The following DISC1 variants were observed in gnomAD, a reference collection of about 807,000 sequenced individuals.
DISC1 encodes DISC1 scaffold protein, also known as disrupted in schizophrenia 1 protein.
In DISC1, 57 loss-of-function variants were observed where a neutral mutation model predicts 84.5. The ratio of observed to expected loss-of-function variants is 0.67; its 90% CI spans 0.55 to 0.84. The LOEUF (loss-of-function observed/expected upper bound fraction) is 0.84. Ranked by LOEUF, DISC1 falls within the 40% of genes least tolerant of loss-of-function variation. The probability of loss-of-function intolerance (pLI) is 0.00; values close to 1 mark genes in which losing one functional copy is unlikely to be tolerated. For synonymous variants in DISC1, 411 were observed against 415.2 expected, an observed-to-expected ratio of 0.99 and a Z score of 0.12; for missense variants, 1,000 against 1,057.8, an observed-to-expected ratio of 0.95 and a Z score of 0.76.
intron 6 of DISC1, among the ~76,000 whole-genome samples, chr1:231,781,384 T>C (rs2077419973): frequency 6.6e-6 from 1 of 152,152 alleles, no homozygotes; most frequent in African/African-American, 2.4e-5. Flanking sequence ...ATTGTTTAGG[T>C]AGCTCTTTGG....
intron 1 of DISC1, among the ~76,000 whole-genome samples, chr1:231,667,562 T>G (rs2062136063): frequency 6.6e-6 from 1 of 152,230 alleles, no homozygotes; most frequent in Non-Finnish European, 1.5e-5. Flanking sequence ...TTACTGACCA[T>G]GGGTTAAAGT....
intron 10 of DISC1, among the ~76,000 whole-genome samples, chr1:231,987,577 CA>C (rs1664626620): frequency 6.6e-6 from 1 of 152,110 alleles, no homozygotes; most frequent in Non-Finnish European, 1.5e-5. Context: ...AGATGAAAGC[CA>C]GACAAGAAAA....
chr1:231,652,843 G>C (rs1487538173), intron 1 of DISC1, among the ~76,000 whole-genome samples: 3 of 152,218 alleles, frequency 2.0e-5, no homozygotes, highest in African/African-American at 7.2e-5. Context: ...GCAGTGGCAC[G>C]ATTTTGGCTC....
intron 9 of DISC1, among the ~76,000 whole-genome samples, chr1:231,906,444 G>A (rs112405558): frequency 6.6e-6 from 1 of 152,294 alleles, no homozygotes; most frequent in Non-Finnish European, 1.5e-5. Context: ...TGTGAGTTTG[G>A]GGATCTTAAA....
At chr1:231,852,347 T>C (rs1158422153) in intron 9 of DISC1, among the ~76,000 whole-genome samples, 1 of 152,214 alleles carries the variant, frequency 6.6e-6, no homozygotes, top group Non-Finnish European at 1.5e-5. Flanking sequence ...AGATGTGGAA[T>C]GCTCCAAAAC....
In DISC1 at chr1:232,012,847, A is replaced by G. The variant is rs114596206; in HGVS notation, c.2307+3798A>G. On this transcript the variant is annotated intron_variant, in intron 11 of 12. Coordinates refer to ENST00000439617, the MANE Select transcript of DISC1 (RefSeq NM_018662.3). Reference sequence around the variant, plus strand: ...CAGCTGGGCCCATTAAGGTGAAGCAATTTGCTTTGGACTTTGTTACAGAGG... The same window carrying G: ...CAGCTGGGCCCATTAAGGTGAAGCAGTTTGCTTTGGACTTTGTTACAGAGG... 8.7e-3 allele frequency among the ~76,000 whole-genome samples: 1,317 copies of G among 152,182 alleles called. 22 individuals carry two copies. The highest frequency in any genetic ancestry group is 0.03 in the African/African-American group (1,241 of 41,514).
rs1558515742 is a variant in DISC1 at position 231,771,429 on chromosome 1, A to G, written c.1634+359A>G. On this transcript the variant is annotated intron_variant, in intron 6 of 12. Coordinates refer to ENST00000439617, the MANE Select transcript of DISC1 (RefSeq NM_018662.3). ...ACTTTTGCTGAGGACGATCATCTGG[A>G]TGAACTATGCCTCTCACTAAGGGAA... The G allele has an allele frequency of 3.0e-6, 3 of 985,304 alleles. No homozygotes were observed. The East Asian group carries it at 3.4e-4, about 112-fold the overall frequency. The allele number at this position is 985,304 out of a possible 1,614,324, so 61.0% of individuals were successfully genotyped here.
rs13374524 is a variant in DISC1, at chr1:231,650,660, C to T, written c.67+23726C>T. 3.0e-3 allele frequency among the ~76,000 whole-genome samples: 451 copies of T among 152,306 alleles called. 3 individuals are homozygous for T. Among genetic ancestry groups the T allele is most frequent in the African/African-American group, 0.01 (426 of 41,562 alleles). ...TGGATAGTATCCTGCAGAGTGTTTT[C>T]CAACTTGGTTCCATTCTCCCCGTCA... On this transcript the variant is annotated intron_variant, in intron 1 of 12. Coordinates refer to ENST00000439617, the MANE Select transcript of DISC1 (RefSeq NM_018662.3).
chr1:231,720,082 C>T (rs202209582), intron 3 of DISC1, among the ~76,000 whole-genome samples: 134 of 152,188 alleles, frequency 8.8e-4, no homozygotes, highest in Non-Finnish European at 1.0e-3. Flanking sequence ...TGTTTGCTAC[C>T]GAGCGTGGCA....
intron 1 of DISC1, among the ~76,000 whole-genome samples, chr1:231,642,220 T>G (rs917009567): frequency 3.3e-5 from 5 of 152,160 alleles, no homozygotes; most frequent in African/African-American, 7.2e-5. Flanking sequence ...GCGGAGCCCA[T>G]GCTCACCCGG....
At chr1:231,901,775 T>C (rs2088199953) in intron 9 of DISC1, among the ~76,000 whole-genome samples, 1 of 152,240 alleles carries the variant, frequency 6.6e-6, no homozygotes, top group Non-Finnish European at 1.5e-5. Context: ...TTTAATATTG[T>C]TCATAGGTTA....
intron 4 of DISC1, among the ~76,000 whole-genome samples, chr1:231,759,885 A>G (rs1467773393): frequency 6.6e-6 from 1 of 152,174 alleles, no homozygotes; most frequent in Non-Finnish European, 1.5e-5. Context: ...AAGGGGGGAA[A>G]CTAAGTTGTG....
chr1:231,981,598 C>T (rs1663615193), intron 10 of DISC1, among the ~76,000 whole-genome samples: 1 of 152,166 alleles, frequency 6.6e-6, no homozygotes, highest in African/African-American at 2.4e-5. Context: ...GAAATGAAAA[C>T]ATACATTAAT....
At position 231,713,715 on chromosome 1, in the gene DISC1, T is replaced by TATAGGAGATATATAC. The variant is rs1558400883; in HGVS notation, c.1117+11694_1117+11695insGGAGATATATACATA. 4.8e-5 allele frequency among the ~76,000 whole-genome samples: 7 copies of TATAGGAGATATATAC among 144,968 alleles called. No individual in the cohort carries two copies. In the East Asian group the frequency reaches 8.1e-4, roughly 17 times the overall value. ...TATATATATAGGAGATATATATATATATATATATAGGAGATATATACATAT... is the reference window on the plus strand; with the variant it reads ...TATATATATAGGAGATATATATATATATAGGAGATATATACATATATATAGGAGATATATACATAT... On this transcript the variant is annotated intron_variant, in intron 3 of 12. Coordinates refer to ENST00000439617, the MANE Select transcript of DISC1 (RefSeq NM_018662.3).
chr1:231,902,937 A>G (rs934045403), intron 9 of DISC1, among the ~76,000 whole-genome samples: 1 of 152,150 alleles, frequency 6.6e-6, no homozygotes, highest in Non-Finnish European at 1.5e-5. Flanking sequence ...GCCTGTATAC[A>G]TATCATAGCA....
chr1:231,842,027 T>C (rs4658953), intron 9 of DISC1, among the ~76,000 whole-genome samples: 25,797 of 151,998 alleles, frequency 0.17, 2,247 homozygotes, highest in Middle Eastern at 0.25. Context: ...TAAGAGAGGG[T>C]CTTGTGTTGT....
At chr1:231,714,082 G>A (rs1168758770) in intron 3 of DISC1, among the ~76,000 whole-genome samples, 1 of 151,892 alleles carries the variant, frequency 6.6e-6, no homozygotes, top group East Asian at 1.9e-4. Flanking sequence ...AGTCAGTCAT[G>A]TTTTTATCTA....
chr1:231,963,696 A>G, intron 10 of DISC1, among the ~76,000 whole-genome samples: 1 of 152,206 alleles, frequency 6.6e-6, no homozygotes, highest in Non-Finnish European at 1.5e-5. Context: ...GCCGCAGACA[A>G]AACTCCTCAG....
In DISC1 at chr1:231,810,199, G is replaced by T. The variant is rs146183692; in HGVS notation, c.1793-8130G>T. ...CACTGATTCAGAACAGCAGGGGCTG[G>T]CTCTGTACTGGGTGGGTGGGTGCTC... On this transcript the variant is annotated intron_variant, in intron 8 of 12. Coordinates refer to ENST00000439617, the MANE Select transcript of DISC1 (RefSeq NM_018662.3). Among the ~76,000 whole-genome samples, 21 of 152,292 alleles carry T rather than the reference G, an allele frequency of 1.4e-4. No individual in the cohort carries two copies. In the East Asian group the frequency reaches 4.1e-3, roughly 29 times the overall value.
Sources: allele counts gnomAD v4.1 joint callset (sites outside exome capture counted in the v4.1 genomes callset), GRCh38; gene constraint gnomAD v4.1.1; transcripts MANE v1.5; gene names NCBI Gene and HGNC (gene_info 2026-07-23, HGNC 2026-07-21).